The following VMP1 variants were observed in gnomAD, a reference collection of about 807,000 sequenced individuals.
The protein encoded by VMP1 is ectopic P-granules autophagy protein 3 homolog.
VMP1 carries 11 observed loss-of-function variants against 56.0 expected under a neutral mutation model. The ratio of observed to expected loss-of-function variants is 0.20; its 90% CI spans 0.12 to 0.32. VMP1 has a LOEUF of 0.32. Among genes scored for constraint, VMP1 ranks in the 10% least tolerant of loss-of-function variants. The pLI is 1.00. For missense variants in VMP1, 296 were observed against 490.3 expected (o/e 0.60, Z 3.74); for synonymous variants, 149 against 165.0 (o/e 0.90, Z 0.74).
intron 5 of VMP1, among the ~76,000 whole-genome samples, chr17:59,759,251 G>A (rs993302025): frequency 2.6e-5 from 4 of 152,168 alleles, no homozygotes; most frequent in South Asian, 2.1e-4. Flanking sequence ...GCGGGTGCCT[G>A]TAACCCCAGC....
chr17:59,751,673 G>A (rs1040639649), intron 5 of VMP1, among the ~76,000 whole-genome samples: 5 of 149,200 alleles, frequency 3.4e-5, no homozygotes, highest in African/African-American at 9.9e-5. Flanking sequence ...GAACGGGGGA[G>A]GCAGAGGTTG....
intron 10 of VMP1, among the ~76,000 whole-genome samples, chr17:59,832,968 A>G (rs549656617): frequency 6.6e-5 from 10 of 152,112 alleles, no homozygotes; most frequent in African/African-American, 2.4e-4. Flanking sequence ...GGACTTCCCC[A>G]ACTTAACTAT....
chr17:59,744,334 C>T (rs1386366206), intron 5 of VMP1, among the ~76,000 whole-genome samples: 1 of 151,314 alleles, frequency 6.6e-6, no homozygotes, highest in Non-Finnish European at 1.5e-5. Flanking sequence ...TGTTGACAGG[C>T]ACCTGTAATC....
intron 7 of VMP1, 44 bp from the exon 8 acceptor site, chr17:59,808,751 CT>C (rs1266452926): frequency 6.7e-7 from 1 of 1,481,892 alleles, no homozygotes. Flanking sequence ...ATCTTTCCTT[CT>C]TTTCCTACTT....
intron 7 of VMP1, among the ~76,000 whole-genome samples, chr17:59,796,876 G>A (rs951094928): frequency 1.3e-5 from 2 of 152,000 alleles, no homozygotes; most frequent in Admixed American, 6.6e-5. Flanking sequence ...TTGGAAACTG[G>A]CACTGTCTAC....
chr17:59,734,438 A>G (rs1315503482), intron 2 of VMP1, among the ~76,000 whole-genome samples: 3 of 152,214 alleles, frequency 2.0e-5, no homozygotes, highest in African/African-American at 4.8e-5. Context: ...AGCATACAAT[A>G]TAAAACTTAG....
intron 10 of VMP1, among the ~76,000 whole-genome samples, chr17:59,832,182 CTTTTTTT>C (rs766864144): frequency 3.9e-4 from 40 of 102,798 alleles, no homozygotes; most frequent in Admixed American, 1.3e-3. Context: ...ATGAGATCAA[CTTTTTTT>C]TTTTTTTTTT....
chr17:59,785,534 A>G (rs1453944013), intron 7 of VMP1, among the ~76,000 whole-genome samples: 1 of 152,042 alleles, frequency 6.6e-6, no homozygotes, highest in East Asian at 1.9e-4. Flanking sequence ...TACTAAAAAT[A>G]CAAAAATTAG....
intron 1 of VMP1, among the ~76,000 whole-genome samples, chr17:59,713,093 G>C (rs1018939061): frequency 2.0e-5 from 3 of 152,156 alleles, no homozygotes; most frequent in Non-Finnish European, 2.9e-5. Flanking sequence ...GTGGGTGGTT[G>C]TGCCAGGTAC....
In VMP1 at chr17:59,730,637, G is replaced by T. The variant is rs1187615387; in HGVS notation, c.-26-784G>T. ...AGGACTCAGCATTTATTGTATTAAG[G>T]ACTCAGCATTTTAGCCTTTTATTGA... On this transcript the variant is annotated intron_variant, in intron 1 of 11. Coordinates refer to ENST00000262291, the MANE Select transcript of VMP1 (RefSeq NM_030938.5). Among the ~76,000 whole-genome samples the T allele has an allele frequency of 1.3e-5, 2 of 152,174 alleles. 1 individual carries two copies.
intron 7 of VMP1, among the ~76,000 whole-genome samples, chr17:59,786,107 A>C (rs1321187894): frequency 6.6e-6 from 1 of 152,208 alleles, no homozygotes; most frequent in East Asian, 1.9e-4. Context: ...AAACCAAAAA[A>C]CAGTTTATTA....
chr17:59,822,942 T>C (rs985271708), intron 10 of VMP1, among the ~76,000 whole-genome samples: 4 of 152,020 alleles, frequency 2.6e-5, no homozygotes, highest in Non-Finnish European at 5.9e-5. Flanking sequence ...ACAAATTAGT[T>C]GGGCATGGTG....
At chr17:59,716,249 G>A (rs552497739) in intron 1 of VMP1, among the ~76,000 whole-genome samples, 39 of 152,256 alleles carry the variant, frequency 2.6e-4, no homozygotes, top group African/African-American at 9.4e-4. Context: ...TCCAGTGAGA[G>A]TATTTTCACC....
chr17:59,712,913 A>AG (rs141725191), intron 1 of VMP1, among the ~76,000 whole-genome samples: 80 of 152,308 alleles, frequency 5.3e-4, no homozygotes, highest in African/African-American at 1.9e-3. Flanking sequence ...AGTCCACTGC[A>AG]TAGTCCAAGA....
intron 6 of VMP1, among the ~76,000 whole-genome samples, chr17:59,766,313 G>T (rs554724926): frequency 5.9e-5 from 9 of 152,262 alleles, no homozygotes; most frequent in African/African-American, 2.2e-4. Flanking sequence ...AGATCAGCCT[G>T]GTCAACATGG....
chr17:59,717,973 A>G (rs1166849442), intron 1 of VMP1, among the ~76,000 whole-genome samples: 2 of 152,036 alleles, frequency 1.3e-5, no homozygotes, highest in African/African-American at 4.8e-5. Context: ...ATTTTTCAAC[A>G]ATTAGAAACC....
At chr17:59,770,847 TG>T (rs1222737871) in intron 6 of VMP1, among the ~76,000 whole-genome samples, 3 of 152,214 alleles carry the variant, frequency 2.0e-5, no homozygotes, top group Non-Finnish European at 4.4e-5. Flanking sequence ...CCCAAAGTGC[TG>T]GGATTTTATT....
At chr17:59,726,428 G>C (rs1384562659) in intron 1 of VMP1, among the ~76,000 whole-genome samples, 1 of 151,968 alleles carries the variant, frequency 6.6e-6, no homozygotes. Flanking sequence ...CGAGTAGCTG[G>C]GATTACAGGC....
intron 7 of VMP1, among the ~76,000 whole-genome samples, chr17:59,777,306 A>T (rs552007560): frequency 2.6e-5 from 4 of 152,212 alleles, no homozygotes; most frequent in Non-Finnish European, 5.9e-5. Flanking sequence ...CATGTTCTTC[A>T]TTCACAATTA....
Sources: gnomAD v4.1 joint callset for allele counts (sites outside exome capture counted in the v4.1 genomes callset) on GRCh38, gnomAD v4.1.1 for gene constraint, MANE v1.5 for transcripts, NCBI Gene and HGNC (gene_info 2026-07-23, HGNC 2026-07-21) for gene names.